Variants in PRKN observed in about 807,000 individuals in gnomAD.
PRKN encodes parkin RBR E3 ubiquitin protein ligase, also known as E3 ubiquitin-protein ligase parkin.
In PRKN, 56 loss-of-function variants were observed where a neutral mutation model predicts 59.5. The ratio of observed to expected loss-of-function variants is 0.94; its 90% confidence interval spans 0.76 to 1.18. The LOEUF (loss-of-function observed/expected upper bound fraction) is 1.18. Ranked by LOEUF, PRKN falls within the 50% of genes most tolerant of loss-of-function variation. PRKN has a pLI of 0.00. For missense variants in PRKN, 657 were observed against 596.4 expected, an observed-to-expected ratio of 1.10 and a Z score of -1.06; for synonymous variants, 250 against 222.1, an observed-to-expected ratio of 1.13 and a Z score of -1.12.
chr6:162,604,110 T>C (rs999691498), intron 1 of PRKN, among the ~76,000 whole-genome samples: 1 of 152,172 alleles, frequency 6.6e-6, no homozygotes, highest in Non-Finnish European at 1.5e-5. Context: ...ACCGCAGCAA[T>C]TGCACCTGTC....
intron 2 of PRKN, among the ~76,000 whole-genome samples, chr6:162,283,936 T>C (rs943125971): frequency 6.6e-6 from 1 of 152,300 alleles, no homozygotes; most frequent in Non-Finnish European, 1.5e-5. Flanking sequence ...CTGAACAATA[T>C]TCTAAAATTT....
chr6:162,323,255 T>G (rs938424955), intron 2 of PRKN, among the ~76,000 whole-genome samples: 1 of 151,598 alleles, frequency 6.6e-6, no homozygotes, highest in African/African-American at 2.4e-5. Flanking sequence ...GAAATGGATC[T>G]CACCAATAAA....
chr6:161,376,544 C>T lies in PRKN; in HGVS notation c.1167+10250G>A, dbSNP rs1378662227. Among the ~76,000 whole-genome samples, 2 of 152,184 alleles carry T rather than the reference C, an allele frequency of 1.3e-5. No individual in the cohort carries two copies. Among genetic ancestry groups the T allele is most frequent in the East Asian group, 1.9e-4 (1 of 5,184 alleles). ...CATCCCCTCCTCTGTATTCCCTGGC[C>T]GGATTCCTGGTGCCTGGTGTGTCTC... On this transcript the variant is annotated intron_variant, in intron 10 of 11. Transcript: ENST00000366898. The surrounding 1 kb of genome is among the most constrained non-coding windows in gnomAD (Gnocchi z 7.3).
In PRKN at chr6:161,627,901, C is replaced by T. The variant is rs141915994; in HGVS notation, c.872-58485G>A. 1.0e-2 allele frequency among the ~76,000 whole-genome samples: 1,515 copies of T among 152,200 alleles called. 14 individuals carry two copies. The highest frequency in any genetic ancestry group is 0.018 in the South Asian group (87 of 4,816). On this transcript the variant is annotated intron_variant, in intron 7 of 11. Coordinates refer to ENST00000366898, the MANE Select transcript of PRKN (RefSeq NM_004562.3). Reference sequence around the variant, plus strand: ...AATTGTGTTTCATGGGTTTATGATGCCCTAAAATGTCTCTGAGAATTTACA... The same window carrying T: ...AATTGTGTTTCATGGGTTTATGATGTCCTAAAATGTCTCTGAGAATTTACA...
rs1780659833 is a variant in PRKN at position 161,566,824 on chromosome 6, T to C, written c.933+2531A>G. On this transcript the variant is annotated intron_variant, in intron 8 of 11. Coordinates refer to ENST00000366898, the MANE Select transcript of PRKN (RefSeq NM_004562.3). The surrounding 1 kb of genome is among the most constrained non-coding windows in gnomAD (Gnocchi z 4.1). ...ACACTTGTTTCTGGACTATTATGAA[T>C]GTTAAAGCCAGGCACATGATCACAT... Among the ~76,000 whole-genome samples the C allele has an allele frequency of 6.6e-6, 1 of 152,130 alleles. No homozygotes were observed. Among genetic ancestry groups the C allele is most frequent in the African/African-American group, 2.4e-5 (1 of 41,422 alleles).
intron 6 of PRKN, among the ~76,000 whole-genome samples, chr6:161,894,726 C>T (rs970971016): frequency 1.8e-4 from 27 of 152,182 alleles, no homozygotes; most frequent in African/African-American, 6.3e-4. Context: ...GGTCACAGAT[C>T]CTAGTGATCT....
chr6:161,946,954 C>T (rs1779806217), intron 6 of PRKN, among the ~76,000 whole-genome samples: 1 of 152,110 alleles, frequency 6.6e-6, no homozygotes, highest in Admixed American at 6.6e-5. Flanking sequence ...TGGGGAAATA[C>T]CCAAATTGCT....
intron 6 of PRKN, among the ~76,000 whole-genome samples, chr6:161,847,319 T>A (rs766580863): frequency 2.3e-4 from 35 of 151,638 alleles, no homozygotes; most frequent in Admixed American, 4.6e-4. Context: ...AAAAAAAAAA[T>A]TTGTTACTGA....
At chr6:161,490,994 A>C (rs951451883) in intron 9 of PRKN, among the ~76,000 whole-genome samples, 13 of 152,254 alleles carry the variant, frequency 8.5e-5, no homozygotes, top group Admixed American at 8.5e-4. Context: ...CCAGAAGCCA[A>C]GCAGGTGCCA....
intron 6 of PRKN, among the ~76,000 whole-genome samples, chr6:161,857,958 A>T (rs553999569): frequency 6.6e-6 from 1 of 152,330 alleles, no homozygotes; most frequent in South Asian, 2.1e-4. Context: ...TCCAATTATC[A>T]CGTTGGTGCA....
At chr6:162,579,759 C>G (rs955361233) in intron 1 of PRKN, among the ~76,000 whole-genome samples, 1 of 149,566 alleles carries the variant, frequency 6.7e-6, no homozygotes, top group African/African-American at 2.4e-5. Context: ...CACACATTTA[C>G]AAACATATAA....
chr6:162,223,576 C>T (rs948651240), intron 3 of PRKN, among the ~76,000 whole-genome samples: 72 of 147,520 alleles, frequency 4.9e-4, no homozygotes, highest in African/African-American at 4.0e-4. Flanking sequence ...GACATCTATA[C>T]GTATGTGTAT....
chr6:161,565,217 C>G (rs546829162), intron 8 of PRKN, among the ~76,000 whole-genome samples: 1 of 152,206 alleles, frequency 6.6e-6, no homozygotes, highest in Admixed American at 6.5e-5. Context: ...ATTTTGACCG[C>G]AAAACTTCAA....
chr6:162,409,077 A>G (rs1205742343), intron 2 of PRKN, among the ~76,000 whole-genome samples: 1 of 152,100 alleles, frequency 6.6e-6, no homozygotes. Context: ...AACGATTTGC[A>G]TAGATGGGGT....
chr6:162,470,953 G>A (rs1322655753), intron 1 of PRKN, among the ~76,000 whole-genome samples: 1 of 151,754 alleles, frequency 6.6e-6, no homozygotes, highest in Non-Finnish European at 1.5e-5. Context: ...GGGTGGGGCG[G>A]TTTCACCATG....
In PRKN at chr6:161,361,550, C is replaced by T. The variant is rs1393067317; in HGVS notation, c.1168-1345G>A. On this transcript the variant is annotated intron_variant, in intron 10 of 11. Coordinates refer to ENST00000366898, the MANE Select transcript of PRKN (RefSeq NM_004562.3). This position sits in a 1 kb window ranked among gnomAD's most constrained non-coding sequence, Gnocchi z 5.2. ...TTACCACTAAACTTTCAGGGGTTAC[C>T]AAACATCCAAAATAGGACCCCGTGA... 6.6e-6 allele frequency among the ~76,000 whole-genome samples: 1 copy of T among 152,120 alleles called. No homozygotes were observed. Among genetic ancestry groups the T allele is most frequent in the African/African-American group, 2.4e-5 (1 of 41,422 alleles).
At chr6:162,044,071 T>C (rs561044427) in intron 5 of PRKN, among the ~76,000 whole-genome samples, 1 of 152,226 alleles carries the variant, frequency 6.6e-6, no homozygotes, top group Non-Finnish European at 1.5e-5. Context: ...AATTTACCTT[T>C]ATTCACACTT....
At chr6:161,504,371 A>C (rs1041618892) in intron 9 of PRKN, among the ~76,000 whole-genome samples, 5 of 152,146 alleles carry the variant, frequency 3.3e-5, no homozygotes, top group African/African-American at 1.2e-4. Context: ...GCGTCCGAGC[A>C]GGGTTTCAGG....
At chr6:161,750,376 C>G (rs1788636028) in intron 7 of PRKN, among the ~76,000 whole-genome samples, 1 of 152,074 alleles carries the variant, frequency 6.6e-6, no homozygotes, top group Non-Finnish European at 1.5e-5. Context: ...ATTGTTGAAA[C>G]TAATGTGTTG....
Sources: gnomAD v4.1 joint callset for allele counts (sites outside exome capture counted in the v4.1 genomes callset) on GRCh38, gnomAD v4.1.1 for gene constraint, Gnocchi (gnomAD v3.1) non-coding constraint, MANE v1.5 for transcripts, NCBI Gene and HGNC (gene_info 2026-07-23, HGNC 2026-07-21) for gene names.